PCDH15: variants seen among roughly 807,000 people sequenced by gnomAD.
PCDH15 encodes the protein protocadherin related 15.
PCDH15 carries 129 observed loss-of-function variants against 178.5 expected under a neutral mutation model. The ratio of observed to expected loss-of-function variants is 0.72; its 90% CI spans 0.63 to 0.84. PCDH15 has a LOEUF of 0.84. Among genes scored for constraint, PCDH15 ranks in the 40% least tolerant of loss-of-function variants. The pLI, the probability that PCDH15 is intolerant of heterozygous loss-of-function variation, is 0.00. For synonymous variants in PCDH15, 800 were observed against 732.0 expected, an observed-to-expected ratio of 1.09 and a Z score of -1.50; for missense variants, 2,230 against 2,099.9, an observed-to-expected ratio of 1.06 and a Z score of -1.21.
intron 3 of PCDH15, among the ~76,000 whole-genome samples, chr10:54,493,900 A>G (rs9416365): frequency 0.025 from 3,829 of 152,112 alleles, 163 homozygotes; most frequent in African/African-American, 0.086. Flanking sequence ...GGAATACTAT[A>G]CAGCCATAAA....
rs148469701 is a variant in PCDH15 at position 54,630,973 on chromosome 10, C to A, written c.91+33199G>T. ...ATATGAGATACTGTCTCACACCAAT[C>A]GGAATGCTATTATTAAAAAGTCAAA... is the stretch of plus-strand genomic sequence containing the variant. On this transcript the variant is annotated intron_variant, in intron 2 of 37. Coordinates refer to ENST00000644397, the MANE Select transcript of PCDH15 (RefSeq NM_001384140.1). Among the ~76,000 whole-genome samples, 888 of 152,230 alleles carry A rather than the reference C, an allele frequency of 5.8e-3. 15 individuals carry two copies. Among genetic ancestry groups the A allele is most frequent in the African/African-American group, 0.02 (839 of 41,542 alleles).
At chr10:55,219,143 T>A (rs1029922140) in intron 1 of PCDH15, among the ~76,000 whole-genome samples, 21 of 152,070 alleles carry the variant, frequency 1.4e-4, no homozygotes, top group African/African-American at 4.8e-4. Flanking sequence ...TTTTCACTAA[T>A]CTCAGTATGT....
chr10:55,058,042 C>T (rs1841345538), intron 2 of PCDH15, among the ~76,000 whole-genome samples: 1 of 151,846 alleles, frequency 6.6e-6, no homozygotes, highest in South Asian at 2.1e-4. Flanking sequence ...GCATTCTGTA[C>T]ATTTCATATT....
chr10:54,622,051 T>G (rs2134447342), intron 2 of PCDH15, among the ~76,000 whole-genome samples: 1 of 150,850 alleles, frequency 6.6e-6, no homozygotes, highest in Non-Finnish European at 1.5e-5. Flanking sequence ...GCTTACTAAA[T>G]CACCAGCTCT....
At chr10:54,902,585 A>C (rs1954654240) in intron 2 of PCDH15, among the ~76,000 whole-genome samples, 1 of 152,176 alleles carries the variant, frequency 6.6e-6, no homozygotes, top group Non-Finnish European at 1.5e-5. Flanking sequence ...CTGTGAGTCA[A>C]TTAAACCTCT....
chr10:54,434,598 A>G (rs1342284), intron 3 of PCDH15, among the ~76,000 whole-genome samples: 28,880 of 152,118 alleles, frequency 0.19, 3,213 homozygotes, highest in African/African-American at 0.3. Flanking sequence ...TATAACATCT[A>G]GGTTTGTGTA....
intron 28 of PCDH15, among the ~76,000 whole-genome samples, chr10:53,850,759 C>CA (rs1422733910): frequency 2.6e-5 from 4 of 152,094 alleles, no homozygotes; most frequent in African/African-American, 9.7e-5. Context: ...AAAATTAAAT[C>CA]ATTCATGGCA....
chr10:54,817,850 T>C (rs1234462962), intron 3 of PCDH15, among the ~76,000 whole-genome samples: 1 of 152,098 alleles, frequency 6.6e-6, no homozygotes, highest in African/African-American at 2.4e-5. Flanking sequence ...GCTGTAGCTA[T>C]ATCTTATTAA....
At chr10:54,544,547 G>A (rs2085631275) in intron 2 of PCDH15, among the ~76,000 whole-genome samples, 1 of 152,058 alleles carries the variant, frequency 6.6e-6, no homozygotes, top group South Asian at 2.1e-4. Flanking sequence ...CTATTTATGA[G>A]GCCTTCCCAA....
At chr10:54,469,708 G>A (rs112241198) in intron 3 of PCDH15, among the ~76,000 whole-genome samples, 13,618 of 152,158 alleles carry the variant, frequency 0.089, 783 homozygotes, top group East Asian at 0.27. Context: ...GGCTTGCTTG[G>A]GTGTTGGCAG....
At chr10:55,500,288 G>A (rs1840626781) in intron 2 of PCDH15, among the ~76,000 whole-genome samples, 1 of 151,710 alleles carries the variant, frequency 6.6e-6, no homozygotes, top group Non-Finnish European at 1.5e-5. Flanking sequence ...AAATTCAAAA[G>A]AAGATTTAAA....
intron 2 of PCDH15, among the ~76,000 whole-genome samples, chr10:54,661,603 C>T (rs1285810791): frequency 2.0e-5 from 3 of 151,674 alleles, no homozygotes; most frequent in Non-Finnish European, 4.4e-5. Flanking sequence ...CAAAGCAATC[C>T]TAAGAAGAAA....
At chr10:54,937,384 A>C (rs769091263) in intron 2 of PCDH15, among the ~76,000 whole-genome samples, 1 of 152,038 alleles carries the variant, frequency 6.6e-6, no homozygotes, top group Non-Finnish European at 1.5e-5. Flanking sequence ...GATTGCACTG[A>C]AATCATAGAT....
rs1327836921 is a variant in PCDH15, at chr10:55,351,477, G to C, written c.-155-184826C>G. Among the ~76,000 whole-genome samples, 3 of 151,956 alleles carry C rather than the reference G, an allele frequency of 2.0e-5. No individual in the cohort carries two copies. The East Asian group carries it at 5.8e-4, about 29-fold the overall frequency. On this transcript the variant is annotated intron_variant, in intron 2 of 5. Transcript: ENST00000613346. ...ATATCATTGTTGCTCAAGTAATCTG[G>C]AACATAAAACAATAATAAATAAGCC...
chr10:54,306,838 G>A (rs1007022405), intron 8 of PCDH15, among the ~76,000 whole-genome samples: 1 of 150,322 alleles, frequency 6.7e-6, no homozygotes, highest in South Asian at 2.1e-4. Context: ...CAAATCACAT[G>A]ATCCATCTCC....
chr10:55,119,938 A>C (rs1190419238), intron 2 of PCDH15, among the ~76,000 whole-genome samples: 1 of 152,184 alleles, frequency 6.6e-6, no homozygotes, highest in Admixed American at 6.5e-5. Flanking sequence ...ATATGCAAGA[A>C]AGCCACTGTG....
intron 4 of PCDH15, among the ~76,000 whole-genome samples, chr10:54,371,029 T>C (rs1482399948): frequency 6.6e-6 from 1 of 151,846 alleles, no homozygotes; most frequent in Non-Finnish European, 1.5e-5. Context: ...CTTTAATCAC[T>C]GATATAAATG....
At chr10:54,743,310 G>A (rs905356814) in intron 1 of PCDH15, among the ~76,000 whole-genome samples, 5 of 151,970 alleles carry the variant, frequency 3.3e-5, no homozygotes. Flanking sequence ...TGAGACATAT[G>A]TTCTGGGTAC....
At chr10:54,338,964 A>C (rs1197170557) in intron 6 of PCDH15, among the ~76,000 whole-genome samples, 1 of 152,226 alleles carries the variant, frequency 6.6e-6, no homozygotes, top group Non-Finnish European at 1.5e-5. Flanking sequence ...ACCTATATTT[A>C]GATTTTTCCA....
Sources: gnomAD v4.1 joint callset for allele counts (sites outside exome capture counted in the v4.1 genomes callset) on GRCh38, gnomAD v4.1.1 for gene constraint, MANE v1.5 for transcripts, NCBI Gene and HGNC (gene_info 2026-07-23, HGNC 2026-07-21) for gene names.